L3MBTL4: variants seen among roughly 807,000 people sequenced by gnomAD.
L3MBTL4 encodes L3MBTL histone methyl-lysine binding protein 4.
L3MBTL4 carries 70 observed loss-of-function variants against 84.5 expected under a neutral mutation model. The observed-to-expected ratio is 0.83, with a 90% CI of 0.68 to 1.01. The LOEUF (loss-of-function observed/expected upper bound fraction) is 1.01, where lower values mean the gene tolerates loss of function less well. L3MBTL4 is among the 50% of genes least tolerant of loss of function. The pLI is 0.00. For synonymous variants in L3MBTL4, 274 were observed against 259.8 expected (o/e 1.05, Z -0.52); for missense variants, 715 against 754.8 (o/e 0.95, Z 0.62).
intron 14 of L3MBTL4, among the ~76,000 whole-genome samples, chr18:6,125,586 ACC>A (rs1283648523): frequency 6.6e-6 from 1 of 151,620 alleles, no homozygotes; most frequent in Non-Finnish European, 1.5e-5. Context: ...ACACCACCAC[ACC>A]CCACTAATGT....
chr18:6,387,654 A>G (rs922224653), intron 1 of L3MBTL4, among the ~76,000 whole-genome samples: 1 of 152,200 alleles, frequency 6.6e-6, no homozygotes, highest in Non-Finnish European at 1.5e-5. Flanking sequence ...TGGGAAAAAT[A>G]CCGAAGATGT....
At chr18:6,258,430 G>A (rs1489893662) in intron 5 of L3MBTL4, among the ~76,000 whole-genome samples, 1 of 152,184 alleles carries the variant, frequency 6.6e-6, no homozygotes, top group African/African-American at 2.4e-5. Flanking sequence ...GGCATGGATG[G>A]GGAGAGGATA....
intron 14 of L3MBTL4, among the ~76,000 whole-genome samples, chr18:6,100,252 A>G (rs1342277820): frequency 6.6e-6 from 1 of 152,228 alleles, no homozygotes; most frequent in African/African-American, 2.4e-5. Flanking sequence ...TTAAATGCTC[A>G]TAAGTTTTTA....
chr18:5,975,553 T>C lies in L3MBTL4; in HGVS notation c.1445-5991A>G, dbSNP rs192403129. On this transcript the variant is annotated intron_variant, in intron 16 of 18. Coordinates refer to ENST00000317931, the MANE Select transcript of L3MBTL4 (RefSeq NM_001330559.2). ...GGCTTTTCAGCTGGGAACGTTGTTT[T>C]CTTCCCACGATCACCTGTTCTCATG... Among the ~76,000 whole-genome samples the C allele has an allele frequency of 3.1e-3, 465 of 152,354 alleles. 3 individuals are homozygous for C. The highest frequency in any genetic ancestry group is 0.011 in the African/African-American group (447 of 41,580).
chr18:6,279,341 G>C (rs540059765), intron 4 of L3MBTL4, among the ~76,000 whole-genome samples: 122 of 151,562 alleles, frequency 8.0e-4, no homozygotes, highest in Admixed American at 2.3e-3. Context: ...GGAAAGAGAG[G>C]GGAAGGAGAA....
At chr18:6,047,365 T>G (rs1568030751) in intron 16 of L3MBTL4, among the ~76,000 whole-genome samples, 2 of 151,818 alleles carry the variant, frequency 1.3e-5, no homozygotes, top group Non-Finnish European at 2.9e-5. Flanking sequence ...TCCAAAAAAT[T>G]GAGGAGGAGA....
At chr18:6,310,056 T>G (rs2050757657) in intron 3 of L3MBTL4, among the ~76,000 whole-genome samples, 1 of 152,202 alleles carries the variant, frequency 6.6e-6, no homozygotes, top group Non-Finnish European at 1.5e-5. Context: ...CCCAGGAATC[T>G]GCATTTCTAA....
chr18:6,106,306 C>T lies in L3MBTL4; in HGVS notation c.1200-12778G>A, dbSNP rs572086487. Among the ~76,000 whole-genome samples the T allele has an allele frequency of 1.5e-4, 23 of 152,162 alleles. No individual in the cohort carries two copies. In the East Asian group the frequency reaches 4.4e-3, roughly 29 times the overall value. ...GCCTTGTACATACTAGGTACTTTGCCAAATGGATACTGATGATATTAACAT... is the reference window on the plus strand; with the variant it reads ...GCCTTGTACATACTAGGTACTTTGCTAAATGGATACTGATGATATTAACAT... On this transcript the variant is annotated intron_variant, in intron 14 of 18. Transcript: ENST00000317931.
intron 16 of L3MBTL4, among the ~76,000 whole-genome samples, chr18:5,991,924 C>T (rs1424501612): frequency 2.6e-5 from 4 of 151,998 alleles, no homozygotes; most frequent in Admixed American, 6.6e-5. Flanking sequence ...CAACTCTCAC[C>T]GAGAAACCTC....
chr18:6,105,357 T>C (rs955830402), intron 14 of L3MBTL4, among the ~76,000 whole-genome samples: 1 of 151,270 alleles, frequency 6.6e-6, no homozygotes, highest in Non-Finnish European at 1.5e-5. Context: ...GCCTGGCTAA[T>C]TTTTGAATTT....
chr18:6,410,637 C>G (rs1434018148), intron 1 of L3MBTL4, among the ~76,000 whole-genome samples: 1 of 152,202 alleles, frequency 6.6e-6, no homozygotes, highest in African/African-American at 2.4e-5. Context: ...CTATCTGTCC[C>G]TCTAGTTAAA....
At chr18:6,086,411 G>A (rs1598700219) in intron 15 of L3MBTL4, among the ~76,000 whole-genome samples, 2 of 152,106 alleles carry the variant, frequency 1.3e-5, no homozygotes, top group South Asian at 2.1e-4. Context: ...GAATCAGCTC[G>A]GAAAAATATT....
At chr18:6,277,066 C>T (rs527996386) in intron 4 of L3MBTL4, among the ~76,000 whole-genome samples, 1 of 143,644 alleles carries the variant, frequency 7.0e-6, no homozygotes, top group African/African-American at 2.6e-5. Flanking sequence ...CTTCCTTACC[C>T]TAGAGTGTTT....
intron 1 of L3MBTL4, among the ~76,000 whole-genome samples, chr18:6,313,883 T>C (rs571383482): frequency 1.3e-5 from 2 of 152,312 alleles, no homozygotes; most frequent in African/African-American, 4.8e-5. Flanking sequence ...AATTTGGTAA[T>C]AATGAATTTC....
At chr18:6,200,470 T>C (rs1217058048) in intron 12 of L3MBTL4, among the ~76,000 whole-genome samples, 1 of 152,224 alleles carries the variant, frequency 6.6e-6, no homozygotes, top group Non-Finnish European at 1.5e-5. Flanking sequence ...TAGAATTACA[T>C]TTATTTTAAG....
chr18:6,004,997 ATTTTTT>A (rs60294342), intron 16 of L3MBTL4, among the ~76,000 whole-genome samples: 18 of 52,156 alleles, frequency 3.5e-4, no homozygotes, highest in Middle Eastern at 0.019. Flanking sequence ...TAAGATGATA[ATTTTTT>A]TTTTTTTTTT....
chr18:6,141,494 G>C (rs1228593488), intron 13 of L3MBTL4, among the ~76,000 whole-genome samples: 3 of 152,102 alleles, frequency 2.0e-5, no homozygotes, highest in Non-Finnish European at 4.4e-5. Context: ...TGTTCAGACT[G>C]AACCTATCGT....
intron 16 of L3MBTL4, among the ~76,000 whole-genome samples, chr18:6,019,068 T>C (rs1050031550): frequency 3.3e-5 from 5 of 152,232 alleles, no homozygotes; most frequent in African/African-American, 1.2e-4. Context: ...TGCATGGATA[T>C]TACCTACAGC....
chr18:6,107,722 G>A (rs1339294322), intron 14 of L3MBTL4, among the ~76,000 whole-genome samples: 1 of 151,970 alleles, frequency 6.6e-6, no homozygotes, highest in Non-Finnish European at 1.5e-5. Context: ...TCATTCTGCA[G>A]GTGAGCAGAG....
Sources: allele counts gnomAD v4.1 joint callset (sites outside exome capture counted in the v4.1 genomes callset), GRCh38; gene constraint gnomAD v4.1.1; transcripts MANE v1.5; gene names NCBI Gene and HGNC (gene_info 2026-07-23, HGNC 2026-07-21).